SH3PXD2A: variants seen among roughly 807,000 people sequenced by gnomAD.
The protein encoded by SH3PXD2A is SH3 and PX domain-containing protein 2A.
Under a neutral mutation model 115.2 loss-of-function variants are expected in SH3PXD2A, and 32 were observed. The observed-to-expected ratio is 0.28, with a 90% CI of 0.21 to 0.37. SH3PXD2A has a LOEUF of 0.37. Ranked by LOEUF, SH3PXD2A falls within the 10% of genes least tolerant of loss-of-function variation. The pLI, the probability that SH3PXD2A is intolerant of heterozygous loss-of-function variation, is 1.00. For missense variants in SH3PXD2A, 1,328 were observed against 1,498.7 expected, an observed-to-expected ratio of 0.89 and a Z score of 1.88; for synonymous variants, 610 against 629.1, an observed-to-expected ratio of 0.97 and a Z score of 0.45.
At chr10:103,815,082 T>C (rs2134282223) in intron 1 of SH3PXD2A, among the ~76,000 whole-genome samples, 1 of 152,228 alleles carries the variant, frequency 6.6e-6, no homozygotes, top group East Asian at 1.9e-4. Flanking sequence ...GAGACCTAAA[T>C]GCGAGAGAGA....
At chr10:103,685,729 G>C (rs1380571657) in intron 6 of SH3PXD2A, among the ~76,000 whole-genome samples, 1 of 152,166 alleles carries the variant, frequency 6.6e-6, no homozygotes, top group Non-Finnish European at 1.5e-5. Context: ...TACAGGTGAA[G>C]AAATGAGCCA....
chr10:103,610,075 T>C (rs2036401685), intron 13 of SH3PXD2A: 1 of 152,308 alleles, frequency 6.6e-6, no homozygotes, highest in Non-Finnish European at 1.5e-5. Flanking sequence ...CTTCTCTTCT[T>C]CCCAGCCTTC....
At position 103,739,055 on chromosome 10, in the gene SH3PXD2A, A is replaced by G. The variant is rs367569126; in HGVS notation, c.230-3247T>C. 3.9e-5 allele frequency among the ~76,000 whole-genome samples: 6 copies of G among 152,200 alleles called. No homozygotes were observed. The East Asian group carries it at 5.8e-4, about 15-fold the overall frequency. ...TGATCCGCCCACCTTGGCCTCCCAA[A>G]GTGCTGGGAAGAACTCATTTTAAAA... On this transcript the variant is annotated intron_variant, in intron 3 of 14. Transcript: ENST00000369774.
intron 11 of SH3PXD2A, among the ~76,000 whole-genome samples, 193 bp downstream of exon 11, chr10:103,617,004 G>A (rs563147436): frequency 5.9e-5 from 9 of 152,402 alleles, no homozygotes; most frequent in African/African-American, 1.4e-4. Flanking sequence ...TACGCGTCCC[G>A]GGAGAAAACT....
chr10:103,826,005 G>T (rs559477302), intron 1 of SH3PXD2A, among the ~76,000 whole-genome samples: 1 of 151,858 alleles, frequency 6.6e-6, no homozygotes, highest in Non-Finnish European at 1.5e-5. Context: ...CCTCGTGATC[G>T]GCCCACCTCG....
At chr10:103,847,668 G>A (rs1429117480) in intron 1 of SH3PXD2A, among the ~76,000 whole-genome samples, 4 of 152,172 alleles carry the variant, frequency 2.6e-5, no homozygotes, top group African/African-American at 9.7e-5. Flanking sequence ...GCCAGGCGCA[G>A]CGGGTCACAC....
chr10:103,699,995 C>T (rs546529742), intron 5 of SH3PXD2A, among the ~76,000 whole-genome samples: 40 of 152,344 alleles, frequency 2.6e-4, no homozygotes, highest in African/African-American at 8.9e-4. Context: ...ACCCCAGAAC[C>T]CCGCCCCCCA....
chr10:103,785,989 TCAGA>T (rs963920421), intron 2 of SH3PXD2A, among the ~76,000 whole-genome samples: 12 of 151,296 alleles, frequency 7.9e-5, no homozygotes, highest in African/African-American at 2.2e-4. Context: ...CTCAGAGACC[TCAGA>T]CAGACAGAGA....
intron 11 of SH3PXD2A, among the ~76,000 whole-genome samples, chr10:103,614,915 A>C (rs2036485731): frequency 6.6e-6 from 1 of 152,212 alleles, no homozygotes; most frequent in Non-Finnish European, 1.5e-5. Context: ...TCACAGAAAC[A>C]TGCAGGCAGG....
chr10:103,633,724 T>C (rs2036820019), intron 8 of SH3PXD2A, among the ~76,000 whole-genome samples: 1 of 50,898 alleles, frequency 2.0e-5, no homozygotes, highest in African/African-American at 1.1e-4. Context: ...CAAGATTCTG[T>C]CTCAAAAAAA....
At chr10:103,813,201 G>A (rs1761921651) in intron 1 of SH3PXD2A, among the ~76,000 whole-genome samples, 1 of 152,254 alleles carries the variant, frequency 6.6e-6, no homozygotes, top group Admixed American at 6.5e-5. Context: ...GCATATGTGT[G>A]TGTCTATGCA....
intron 8 of SH3PXD2A, among the ~76,000 whole-genome samples, chr10:103,647,182 C>T (rs770566390): frequency 3.3e-5 from 5 of 152,144 alleles, no homozygotes; most frequent in African/African-American, 4.8e-5. Context: ...CCCCAGGAAG[C>T]GGGCAATACT....
At chr10:103,710,107 A>G (rs1407864976) in intron 5 of SH3PXD2A, among the ~76,000 whole-genome samples, 1 of 136,936 alleles carries the variant, frequency 7.3e-6, no homozygotes, top group Non-Finnish European at 1.6e-5. Context: ...AAAAAAAAAA[A>G]GTCCTCTGGG....
intron 5 of SH3PXD2A, among the ~76,000 whole-genome samples, chr10:103,711,810 G>A (rs1025052058): frequency 1.3e-5 from 2 of 152,192 alleles, no homozygotes; most frequent in Non-Finnish European, 2.9e-5. Context: ...ATCCTGGCAC[G>A]TTGGGAAGCC....
chr10:103,821,228 C>A (rs1215435045), intron 1 of SH3PXD2A, among the ~76,000 whole-genome samples: 4 of 150,016 alleles, frequency 2.7e-5, no homozygotes, highest in Non-Finnish European at 5.9e-5. Flanking sequence ...CTGCAACCTC[C>A]ACCTCCTGGG....
chr10:103,707,109 A>C (rs923914082), intron 5 of SH3PXD2A, among the ~76,000 whole-genome samples: 1 of 152,164 alleles, frequency 6.6e-6, no homozygotes, highest in Non-Finnish European at 1.5e-5. Flanking sequence ...TCTCCCTGAC[A>C]GGGCTAAAGT....
chr10:103,632,957 A>G (rs1381814631), intron 8 of SH3PXD2A, among the ~76,000 whole-genome samples: 1 of 151,538 alleles, frequency 6.6e-6, no homozygotes, highest in Non-Finnish European at 1.5e-5. Flanking sequence ...CTGGCGACAG[A>G]GCGAGACTCT....
intron 6 of SH3PXD2A, among the ~76,000 whole-genome samples, chr10:103,690,244 C>A (rs1390243715): frequency 3.3e-5 from 5 of 152,130 alleles, no homozygotes; most frequent in African/African-American, 9.7e-5. Context: ...TCCAGGGGAG[C>A]TTTCTAGGTG....
chr10:103,598,749 G>A lies in SH3PXD2A; in HGVS notation c.*3067C>T, dbSNP rs1324870614. The A allele has an allele frequency of 6.5e-6, 1 of 152,682 alleles. No homozygotes were observed. 9.5% of individuals were successfully genotyped at this position (152,682 alleles called of 1,614,324 possible). A position where few individuals can be genotyped will look rare whatever the true frequency, so the allele number is the denominator to read the frequency against. On this transcript the variant is annotated 3_prime_UTR_variant, in exon 15 of 15. Coordinates refer to ENST00000369774, the MANE Select transcript of SH3PXD2A (RefSeq NM_001394015.1). Reference sequence around the variant, plus strand: ...AAGCAGCTCAGTAGCTCAAGGGAAAGGCCCTCTCGCCCTGGCTAGGGCTAG... The same window carrying A: ...AAGCAGCTCAGTAGCTCAAGGGAAAAGCCCTCTCGCCCTGGCTAGGGCTAG...
Sources: allele counts gnomAD v4.1 joint callset (sites outside exome capture counted in the v4.1 genomes callset), GRCh38; gene constraint gnomAD v4.1.1; transcripts MANE v1.5; gene names NCBI Gene and HGNC (gene_info 2026-07-23, HGNC 2026-07-21).